The following FREM2 variants were observed in gnomAD, a reference collection of about 807,000 sequenced individuals.
FREM2 encodes FRAS1-related extracellular matrix protein 2.
FREM2 carries 119 observed loss-of-function variants against 219.9 expected under a neutral mutation model. That is an observed-to-expected ratio of 0.54 (90% confidence interval 0.47 to 0.63). FREM2 has a LOEUF of 0.63. FREM2 is among the 30% of genes least tolerant of loss of function. The pLI is 0.00. For synonymous variants in FREM2, 1,562 were observed against 1,522.8 expected, an observed-to-expected ratio of 1.03 and a Z score of -0.60; for missense variants, 4,030 against 3,993.6, an observed-to-expected ratio of 1.01 and a Z score of -0.25.
At chr13:38,854,550 A>G (rs1307300156) in intron 11 of FREM2, among the ~76,000 whole-genome samples, 1 of 152,162 alleles carries the variant, frequency 6.6e-6, no homozygotes, top group Non-Finnish European at 1.5e-5. Context: ...ATTCCCAGAT[A>G]TTTAAGTGTT....
intron 2 of FREM2, among the ~76,000 whole-genome samples, chr13:38,720,047 A>T (rs1017724966): frequency 6.6e-6 from 1 of 152,178 alleles, no homozygotes; most frequent in Non-Finnish European, 1.5e-5. Flanking sequence ...GGAATATTTT[A>T]GGGAAAGGAA....
intron 2 of FREM2, among the ~76,000 whole-genome samples, chr13:38,745,003 C>T (rs1196796083): frequency 6.6e-6 from 1 of 152,120 alleles, no homozygotes; most frequent in African/African-American, 2.4e-5. Flanking sequence ...AGAAGTCAAA[C>T]AGTATATATT....
chr13:38,815,994 A>C (rs553199948), intron 6 of FREM2, among the ~76,000 whole-genome samples: 2 of 152,284 alleles, frequency 1.3e-5, no homozygotes, highest in African/African-American at 4.8e-5. Context: ...GAAATGGATA[A>C]ATTCCTGGAC....
chr13:38,692,309 C>T lies in FREM2; in HGVS notation c.4965C>T (p.Val1655=). The T allele has an allele frequency of 1.2e-6, 2 of 1,609,608 alleles. No homozygotes were observed. Among genetic ancestry groups the T allele is most frequent in the African/African-American group, 1.3e-5 (1 of 74,754 alleles). Residue 1655 remains valine (V), a synonymous_variant, in exon 1 of 24, where the codon GTC becomes GTT. Transcript: ENST00000280481. ...AGGTCTTGGCTGTTGACAACAGTGT[C>T]CCCCAAATCGCAGTGAATAAGGGGG... ...KIQVLAVDNS[V]PQIAVNKGAS...
At chr13:38,833,975 G>A (rs1481522499) in intron 6 of FREM2, among the ~76,000 whole-genome samples, 1 of 152,024 alleles carries the variant, frequency 6.6e-6, no homozygotes. Flanking sequence ...ATATTAACAG[G>A]AGAGGAAAAA....
chr13:38,728,359 G>A (rs1285169648), intron 2 of FREM2, among the ~76,000 whole-genome samples: 8 of 152,002 alleles, frequency 5.3e-5, no homozygotes, highest in Non-Finnish European at 1.2e-4. Flanking sequence ...TTATTCAGAA[G>A]GTCTCAATAA....
chr13:38,835,978 T>G (rs1483954332), intron 6 of FREM2, among the ~76,000 whole-genome samples: 1 of 152,212 alleles, frequency 6.6e-6, no homozygotes, highest in African/African-American at 2.4e-5. Context: ...TCCAATACTA[T>G]GTTGTATAGG....
chr13:38,868,473 T>C (rs1048490056), intron 16 of FREM2, among the ~76,000 whole-genome samples: 5 of 152,216 alleles, frequency 3.3e-5, no homozygotes, highest in African/African-American at 1.2e-4. Context: ...ACACCTATGC[T>C]GTTAAACACA....
At chr13:38,848,988 CTCTG>C (rs1161934268) in intron 8 of FREM2, among the ~76,000 whole-genome samples, 1 of 152,040 alleles carries the variant, frequency 6.6e-6, no homozygotes, top group Non-Finnish European at 1.5e-5. Context: ...CTGTATGTGT[CTCTG>C]TCTAATTTTC....
intron 2 of FREM2, among the ~76,000 whole-genome samples, chr13:38,758,424 A>G (rs1046544965): frequency 1.3e-5 from 2 of 152,156 alleles, no homozygotes; most frequent in African/African-American, 4.8e-5. Flanking sequence ...CCCTCAGGCT[A>G]CAGTAATCCC....
At chr13:38,715,461 C>G in intron 2 of FREM2, among the ~76,000 whole-genome samples, 1 of 152,114 alleles carries the variant, frequency 6.6e-6, no homozygotes, top group East Asian at 1.9e-4. Flanking sequence ...CATGGCCCTT[C>G]CTGGCTAATC....
chr13:38,851,868 G>A lies in FREM2; in HGVS notation c.6925G>A (p.Glu2309Lys), dbSNP rs1252076713. The A allele has an allele frequency of 1.2e-6, 2 of 1,613,366 alleles. No homozygotes were observed. Among genetic ancestry groups the A allele is most frequent in the East Asian group, 2.2e-5 (1 of 44,840 alleles). The change falls in exon 11 of 24, where the codon GAA (glutamate) becomes AAA (lysine). Residue 2309 changes from glutamate to lysine, a missense_variant and splice_region_variant. This residue lies in a region of FREM2 where 3,102 missense variants were observed against 2,950.7 expected (regional missense o/e 1.05). Coordinates refer to ENST00000280481, the MANE Select transcript of FREM2 (RefSeq NM_207361.6). ...SGEDYHPVSE[E>K]IEFKEGETQH... ...AGAAGACTACCACCCTGTGTCAGAA[G>A]GTATGGGGCTCCCAGGGCCTGTCTC...
intron 2 of FREM2, among the ~76,000 whole-genome samples, chr13:38,731,543 A>T (rs1871767958): frequency 6.6e-6 from 1 of 152,222 alleles, no homozygotes; most frequent in Non-Finnish European, 1.5e-5. Context: ...CACGCCGGAC[A>T]TGAAAACAAC....
intron 6 of FREM2, among the ~76,000 whole-genome samples, chr13:38,785,700 C>CT (rs1427848071): frequency 5.9e-5 from 9 of 152,160 alleles, no homozygotes; most frequent in Non-Finnish European, 1.3e-4. Context: ...GATAATGTGT[C>CT]TTGTGAGGTT....
Position 38,769,874 on chromosome 13 carries a change from G to A in FREM2, c.5641+66G>A, listed in dbSNP as rs1054207445. ...GCTGCTATGACAAAATACCTTGTAG[G>A]GGTATAGCTTACAGTTTTAAATTCA... is the stretch of plus-strand genomic sequence containing the variant. On this transcript the variant is annotated intron_variant, in intron 4 of 23. Coordinates refer to ENST00000280481, the MANE Select transcript of FREM2 (RefSeq NM_207361.6). The A allele has an allele frequency of 7.1e-6, 8 of 1,132,268 alleles. No individual in the cohort carries two copies. In the East Asian group the frequency reaches 1.2e-4, roughly 17 times the overall value. The allele number at this position is 1,132,268 out of a possible 1,614,324, so 70.1% of individuals were successfully genotyped here. A position where few individuals can be genotyped will look rare whatever the true frequency, so the allele number is the denominator to read the frequency against.
intron 23 of FREM2, among the ~76,000 whole-genome samples, chr13:38,879,896 G>C (rs1041884735): frequency 4.6e-5 from 7 of 152,130 alleles, no homozygotes; most frequent in African/African-American, 1.4e-4. Flanking sequence ...GAGTCCTGGG[G>C]TTCAGAAGAT....
chr13:38,809,798 G>T (rs183626586), intron 6 of FREM2, among the ~76,000 whole-genome samples: 1 of 152,186 alleles, frequency 6.6e-6, no homozygotes, highest in East Asian at 1.9e-4. Context: ...GCTCAGGAAA[G>T]ATTTAGCTAT....
At chr13:38,742,689 G>A (rs897840419) in intron 2 of FREM2, among the ~76,000 whole-genome samples, 2 of 152,172 alleles carry the variant, frequency 1.3e-5, no homozygotes, top group Non-Finnish European at 2.9e-5. Context: ...GGGCTTCCCA[G>A]TGAGGTAGAA....
At chr13:38,693,340 T>C (rs1483852555) in intron 1 of FREM2, among the ~76,000 whole-genome samples, 20 of 152,264 alleles carry the variant, frequency 1.3e-4, no homozygotes, top group Admixed American at 1.3e-3. Context: ...ACCTCCTCTC[T>C]GACCTGTTGC....
Sources: gnomAD v4.1 joint callset for allele counts (sites outside exome capture counted in the v4.1 genomes callset) on GRCh38, gnomAD v4.1.1 for gene constraint, gnomAD v4.1.1 regional missense constraint, MANE v1.5 for transcripts, NCBI Gene and HGNC (gene_info 2026-07-23, HGNC 2026-07-21) for gene names.